Variants in ZNF99 observed in about 807,000 individuals in gnomAD.
ZNF99 encodes the protein zinc finger protein ENSP00000375192.
Under a neutral mutation model 12.8 loss-of-function variants are expected in ZNF99, and 8 were observed. The ratio of observed to expected loss-of-function variants is 0.62; its 90% CI spans 0.37 to 1.13. ZNF99 has a LOEUF of 1.13. Ranked by LOEUF, ZNF99 falls within the 50% of genes most tolerant of loss-of-function variation. ZNF99 has a pLI of 0.02. For synonymous variants in ZNF99, 318 were observed against 319.0 expected (o/e 1.00, Z 0.03); for missense variants, 1,007 against 1,006.2 (o/e 1.00, Z -0.01).
Position 22,756,090 on chromosome 19 carries a change from G to C in ZNF99, c.*1224C>G, listed in dbSNP as rs1379426882. Reference sequence around the variant, plus strand: ...TTCTGCCTATTAAGGCTTGAGGACTGGTTAAAAGCTTTGCCACATTCTTCA... The same window carrying C: ...TTCTGCCTATTAAGGCTTGAGGACTCGTTAAAAGCTTTGCCACATTCTTCA... On this transcript the variant is annotated 3_prime_UTR_variant, in exon 4 of 4. Transcript: ENST00000596209. The C allele has an allele frequency of 1.4e-6, 2 of 1,426,690 alleles. No homozygotes were observed. Among genetic ancestry groups the C allele is most frequent in the Non-Finnish European group, 9.4e-7 (1 of 1,062,560 alleles). 88.4% of individuals were successfully genotyped at this position (1,426,690 alleles called of 1,614,324 possible).
chr19:22,767,259 C>T (rs540115694), intron 3 of ZNF99, among the ~76,000 whole-genome samples: 21 of 152,112 alleles, frequency 1.4e-4, no homozygotes, highest in African/African-American at 4.6e-4. Context: ...TGCAAAACAG[C>T]CTGGTTGACG....
chr19:22,759,969 T>A (rs1599442244), intron 3 of ZNF99, among the ~76,000 whole-genome samples: 1 of 152,278 alleles, frequency 6.6e-6, no homozygotes, highest in East Asian at 1.9e-4. Flanking sequence ...CCAACTCAGC[T>A]CTTCCTGCTC....
rs1192707165 is a variant in ZNF99, at chr19:22,759,414, A to G, written c.495T>C (p.Ile165=). 1 of 1,577,618 alleles carries G rather than the reference A, an allele frequency of 6.3e-7. No homozygotes were observed. Among genetic ancestry groups the G allele is most frequent in the Non-Finnish European group, 8.6e-7 (1 of 1,161,068 alleles). Residue 165 remains isoleucine (I), a synonymous_variant, in exon 4 of 4, where the codon ATT becomes ATC. Coordinates refer to ENST00000596209, the MANE Select transcript of ZNF99 (RefSeq NM_001080409.3). The part of the protein sequence containing the change: ...HKYSNSNRYK[I]RHTKKKTFKC... Reference sequence around the variant, plus strand: ...TGAAAGTTTTCTTTTTAGTGTGTCTAATCTTATATCTATTTGAATTTGAAT... The same window carrying G: ...TGAAAGTTTTCTTTTTAGTGTGTCTGATCTTATATCTATTTGAATTTGAAT...
chr19:22,771,866 T>A (rs12981884), intron 1 of ZNF99, among the ~76,000 whole-genome samples: 1 of 4,826 alleles, frequency 2.1e-4, no homozygotes, highest in Non-Finnish European at 4.8e-4. Context: ...TACAGGCGTG[T>A]GCCACCACGC....
In ZNF99 at chr19:22,756,384, C is replaced by G. The variant is rs373226546; in HGVS notation, c.*930G>C. ...CATTCTTCACATTTGTAGGGTTTCT[C>G]TCCAGAATGAATTATCTTATGTTTA... On this transcript the variant is annotated 3_prime_UTR_variant, in exon 4 of 4. Transcript: ENST00000596209. The G allele has an allele frequency of 6.3e-7, 1 of 1,593,402 alleles. No homozygotes were observed.
intron 1 of ZNF99, among the ~76,000 whole-genome samples, chr19:22,776,534 T>TC (rs1973330884): frequency 6.8e-6 from 1 of 146,550 alleles, no homozygotes; most frequent in Admixed American, 7.0e-5. Context: ...TGATATACCA[T>TC]CTCATATCAG....
Position 22,753,814 on chromosome 19 carries a change from C to T in ZNF99, c.*3500G>A, listed in dbSNP as rs1298528208. 1 of 228,444 alleles carries T rather than the reference C, an allele frequency of 4.4e-6. No individual in the cohort carries two copies. The highest frequency in any genetic ancestry group is 8.9e-6 in the Non-Finnish European group (1 of 111,960). 14.2% of individuals were successfully genotyped at this position (228,444 alleles called of 1,614,324 possible). On this transcript the variant is annotated 3_prime_UTR_variant, in exon 4 of 4. Transcript: ENST00000596209. ...TTTTTTTTCAAGTATAAATGCTTTC[C>T]TATGCGATAAGGTGTGAGTATTGGT...
Position 22,752,276 on chromosome 19 carries a change from T to C in ZNF99, c.*5038A>G, listed in dbSNP as rs1972979189. The C allele has an allele frequency of 6.6e-6, 1 of 152,088 alleles. No homozygotes were observed. Among genetic ancestry groups the C allele is most frequent in the East Asian group, 1.9e-4 (1 of 5,188 alleles). 9.4% of individuals were successfully genotyped at this position (152,088 alleles called of 1,614,324 possible). ...ATAAAGATAACAATTTAGTTTTATATTTCAAAGTGACTAAAAGTGTAGATT... is the reference window on the plus strand; with the variant it reads ...ATAAAGATAACAATTTAGTTTTATACTTCAAAGTGACTAAAAGTGTAGATT... On this transcript the variant is annotated 3_prime_UTR_variant, in exon 4 of 4. Transcript: ENST00000596209.
intron 1 of ZNF99, among the ~76,000 whole-genome samples, chr19:22,771,831 C>A (rs1255297302): frequency 1.4e-5 from 2 of 143,738 alleles, no homozygotes; most frequent in Non-Finnish European, 1.5e-5. Context: ...GATTCTCCTG[C>A]CTCAGCCTCC....
At chr19:22,766,797 A>G (rs896481578) in intron 3 of ZNF99, among the ~76,000 whole-genome samples, 23 of 151,588 alleles carry the variant, frequency 1.5e-4, no homozygotes, top group African/African-American at 5.1e-4. Context: ...GATTACAGGC[A>G]TGCGCCACCA....
At chr19:22,774,831 T>C (rs778027651) in intron 1 of ZNF99, among the ~76,000 whole-genome samples, 2 of 151,716 alleles carry the variant, frequency 1.3e-5, no homozygotes, top group African/African-American at 4.8e-5. Flanking sequence ...GATTGTGCCA[T>C]TGCACTCCAG....
chr19:22,769,425 C>T (rs1973241076), intron 1 of ZNF99, 101 bp from the exon 2 acceptor site: 1 of 1,331,328 alleles, frequency 7.5e-7, no homozygotes, highest in Non-Finnish European at 1.0e-6. Flanking sequence ...AGAACAGGTT[C>T]TAACTTACAG....
intron 3 of ZNF99, among the ~76,000 whole-genome samples, chr19:22,760,884 T>TA (rs5827535): frequency 0.25 from 30,043 of 118,094 alleles, 3,625 homozygotes; most frequent in Non-Finnish European, 0.27. Flanking sequence ...ATTCTTTATC[T>TA]AAAAAAAAAA....
Position 22,757,417 on chromosome 19 carries a change from T to G in ZNF99, c.2492A>C (p.Lys831Thr). Residue 831 changes from lysine to threonine, a missense_variant, in exon 4 of 4, where the codon AAA (lysine) becomes ACA (threonine). Transcript: ENST00000596209. Reference sequence around the variant, plus strand: ...ATGAATTACCTTATGTAAAGTAAGTTTTGAGGACCACTGAAAAGCTTTACC... The same window carrying G: ...ATGAATTACCTTATGTAAAGTAAGTGTTGAGGACCACTGAAAAGCTTTACC... ...ECGKAFQWSS[K>T]LTLHKVIHME... 6.2e-7 allele frequency: 1 copy of G among 1,608,894 alleles called. No individual in the cohort carries two copies. Among genetic ancestry groups the G allele is most frequent in the Non-Finnish European group, 8.5e-7 (1 of 1,178,726 alleles).
intron 3 of ZNF99, among the ~76,000 whole-genome samples, chr19:22,760,270 G>A (rs528345162): frequency 5.8e-4 from 89 of 152,254 alleles, no homozygotes; most frequent in African/African-American, 1.9e-3. Flanking sequence ...TCCAGCCAGC[G>A]TGACACAGTG....
Position 22,759,147 on chromosome 19 carries a change from C to G in ZNF99, c.762G>C (p.Lys254Asn), listed in dbSNP as rs1973120192. ...CACATTCTTCACATTTGCAGGGTTT[C>G]TTTCCAGTATGAATTATCTTACATT... ...FTKCKIIHTG[K>N]KPCKCEECGK... Residue 254 changes from lysine to asparagine, a missense_variant, in exon 4 of 4, where the codon AAG becomes AAC. By Grantham distance (94) the Lys-to-Asn change is moderately conservative. Transcript: ENST00000596209. 6.2e-7 allele frequency: 1 copy of G among 1,608,972 alleles called. No individual in the cohort carries two copies. The highest frequency in any genetic ancestry group is 1.3e-5 in the African/African-American group (1 of 74,916).
intron 1 of ZNF99, chr19:22,770,697 G>A (rs1361084890): frequency 1.4e-5 from 2 of 145,322 alleles, no homozygotes; most frequent in Non-Finnish European, 3.0e-5. Flanking sequence ...ATCAACTGCA[G>A]TAGGACAAAT....
At chr19:22,769,823 G>GA (rs957219002) in intron 1 of ZNF99, 11 of 1,271,606 alleles carry the variant, frequency 8.7e-6, no homozygotes, top group South Asian at 4.1e-5. Flanking sequence ...CAAACTCTGA[G>GA]AAAAAAAGAA....
Position 22,754,622 on chromosome 19 carries a change from G to T in ZNF99, c.*2692C>A. The T allele has an allele frequency of 2.8e-6, 1 of 362,728 alleles. No individual in the cohort carries two copies. The allele number at this position is 362,728 out of a possible 1,614,324, so 22.5% of individuals were successfully genotyped here. A position where few individuals can be genotyped will look rare whatever the true frequency, so the allele number is the denominator to read the frequency against. On this transcript the variant is annotated 3_prime_UTR_variant, in exon 4 of 4. Coordinates refer to ENST00000596209, the MANE Select transcript of ZNF99 (RefSeq NM_001080409.3). ...TATCTTAATGTGTGGTAAGATGTGA[G>T]AAATGGTTACAGTGTTTGCCACATT...
Sources: gnomAD v4.1 joint callset for allele counts (sites outside exome capture counted in the v4.1 genomes callset) on GRCh38, gnomAD v4.1.1 for gene constraint, MANE v1.5 for transcripts, NCBI Gene and HGNC (gene_info 2026-07-23, HGNC 2026-07-21) for gene names.